The following KIF16B variants were observed in gnomAD, a reference collection of about 807,000 sequenced individuals.
The protein encoded by KIF16B is kinesin-like protein KIF16B.
Under a neutral mutation model 156.3 loss-of-function variants are expected in KIF16B, and 98 were observed. The observed-to-expected ratio is 0.63, with a 90% confidence interval of 0.53 to 0.74. KIF16B has a LOEUF of 0.74. KIF16B is among the 30% of genes least tolerant of loss of function. The probability of loss-of-function intolerance (pLI) is 0.00; values close to 1 mark genes in which losing one functional copy is unlikely to be tolerated. For missense variants in KIF16B, 1,421 were observed against 1,606.5 expected (o/e 0.88, Z 1.97); for synonymous variants, 564 against 583.7 (o/e 0.97, Z 0.49).
intron 12 of KIF16B, among the ~76,000 whole-genome samples, chr20:16,484,671 T>C (rs948128610): frequency 3.9e-5 from 6 of 152,234 alleles, no homozygotes; most frequent in African/African-American, 1.4e-4. Flanking sequence ...GTGATGGTAC[T>C]GGTGGTGGCT....
chr20:16,398,909 C>CGTGTTT (rs2146220967), intron 17 of KIF16B, among the ~76,000 whole-genome samples: 1 of 152,166 alleles, frequency 6.6e-6, no homozygotes, highest in Non-Finnish European at 1.5e-5. Context: ...GGCCAGGAGG[C>CGTGTTT]GTGTTTGTGT....
intron 25 of KIF16B, among the ~76,000 whole-genome samples, chr20:16,304,288 G>A (rs1288415275): frequency 3.9e-5 from 6 of 152,212 alleles, no homozygotes; most frequent in East Asian, 1.9e-4. Flanking sequence ...GGAGACTCTC[G>A]CTCATTGGTG....
chr20:16,365,232 T>C (rs1311935041), intron 22 of KIF16B, among the ~76,000 whole-genome samples: 1 of 152,034 alleles, frequency 6.6e-6, no homozygotes, highest in African/African-American at 2.4e-5. Flanking sequence ...TTTTAAAAAG[T>C]TAAAAAAATA....
At chr20:16,493,960 A>G (rs2068373202) in intron 12 of KIF16B, among the ~76,000 whole-genome samples, 1 of 152,244 alleles carries the variant, frequency 6.6e-6, no homozygotes, top group African/African-American at 2.4e-5. Context: ...TAACAAAAGC[A>G]GAAAAACAAA....
intron 17 of KIF16B, among the ~76,000 whole-genome samples, chr20:16,383,956 C>T (rs977419481): frequency 2.0e-5 from 3 of 152,092 alleles, no homozygotes; most frequent in Non-Finnish European, 4.4e-5. Context: ...GTCGGCATGC[C>T]CTCCGTCACT....
Position 16,273,353 on chromosome 20 carries a change from A to ATGTGGAGGGGAGATGT in KIF16B, c.3838_3853dup (p.Ile1285AsnfsTer20). ...CGAGAGAGTCAGTCCCACTTTGTTG[A>ATGTGGAGGGGAGATGT]TGTGGAGGGGAGATGTTGCGGACTG... On this transcript the variant is annotated frameshift_variant, in exon 26 of 26. Coordinates refer to ENST00000354981, the MANE Select transcript of KIF16B (RefSeq NM_024704.5). LOFTEE classifies it high-confidence loss of function. The ATGTGGAGGGGAGATGT allele has an allele frequency of 3.1e-6, 5 of 1,613,824 alleles. No individual in the cohort carries two copies. Among genetic ancestry groups the ATGTGGAGGGGAGATGT allele is most frequent in the Non-Finnish European group, 4.2e-6 (5 of 1,179,758 alleles).
intron 12 of KIF16B, among the ~76,000 whole-genome samples, chr20:16,473,956 C>T (rs1411614037): frequency 1.3e-5 from 2 of 152,122 alleles, no homozygotes; most frequent in Non-Finnish European, 2.9e-5. Context: ...GGAAATTAAG[C>T]TCTGACATGA....
chr20:16,398,157 T>A (rs1272396659), intron 17 of KIF16B, among the ~76,000 whole-genome samples: 1 of 152,198 alleles, frequency 6.6e-6, no homozygotes, highest in African/African-American at 2.4e-5. Context: ...TACGACTCTA[T>A]GCTCAGCTCA....
In KIF16B at chr20:16,571,248, A is replaced by G. The variant is rs561871675; in HGVS notation, c.47+1981T>C. Among the ~76,000 whole-genome samples, 11 of 152,244 alleles carry G rather than the reference A, an allele frequency of 7.2e-5. No individual in the cohort carries two copies. In the East Asian group the frequency reaches 9.6e-4, roughly 13 times the overall value. On this transcript the variant is annotated intron_variant, in intron 1 of 25. Transcript: ENST00000354981. ...TCCAGTGAGCTGCCAAATCCTGCCA[A>G]TTCTGCCAGTGAGTGGTCTTCCTGT...
At chr20:16,342,900 A>T (rs977567704) in intron 23 of KIF16B, among the ~76,000 whole-genome samples, 2 of 152,352 alleles carry the variant, frequency 1.3e-5, no homozygotes, top group East Asian at 1.9e-4. Flanking sequence ...GAAAGACTCC[A>T]TGCCCAGAGC....
intron 25 of KIF16B, among the ~76,000 whole-genome samples, chr20:16,279,524 G>C (rs915859044): frequency 6.6e-6 from 1 of 152,126 alleles, no homozygotes; most frequent in African/African-American, 2.4e-5. Flanking sequence ...CGCTGGCAGG[G>C]GGCAGACAAG....
chr20:16,504,109 T>C (rs1295449697), intron 10 of KIF16B, among the ~76,000 whole-genome samples: 2 of 152,250 alleles, frequency 1.3e-5, no homozygotes, highest in East Asian at 3.8e-4. Flanking sequence ...TATTGCATAG[T>C]ACATTTCCAT....
At chr20:16,559,433 T>G (rs1433865376) in intron 1 of KIF16B, among the ~76,000 whole-genome samples, 1 of 152,100 alleles carries the variant, frequency 6.6e-6, no homozygotes, top group Non-Finnish European at 1.5e-5. Context: ...AAAAAAAGTC[T>G]TAACTAAGAA....
At chr20:16,477,187 G>GTTTTTTTTTTTTTT (rs1568580585) in intron 12 of KIF16B, among the ~76,000 whole-genome samples, 1 of 100,048 alleles carries the variant, frequency 1.0e-5, no homozygotes. Flanking sequence ...TTTCCTTGTG[G>GTTTTTTTTTTTTTT]GTTTTTTTTT....
At chr20:16,457,736 T>C (rs745316226) in intron 12 of KIF16B, among the ~76,000 whole-genome samples, 13 of 151,992 alleles carry the variant, frequency 8.6e-5, no homozygotes, top group Non-Finnish European at 1.6e-4. Flanking sequence ...TAAAAAATCA[T>C]AGTAAGGCCT....
chr20:16,431,451 C>A (rs2066496974), intron 12 of KIF16B, among the ~76,000 whole-genome samples: 1 of 152,168 alleles, frequency 6.6e-6, no homozygotes. Flanking sequence ...TGCTGCTCTT[C>A]AAACTTGCCA....
chr20:16,545,790 C>T lies in KIF16B; in HGVS notation c.48-17350G>A, dbSNP rs190636369. On this transcript the variant is annotated intron_variant, in intron 1 of 25. Coordinates refer to ENST00000354981, the MANE Select transcript of KIF16B (RefSeq NM_024704.5). ...TGCCCAAAGACATCCTAGTTTAGTG[C>T]TGCAGCACTATGAAACACAAAGAAG... 1.1e-4 allele frequency among the ~76,000 whole-genome samples: 17 copies of T among 152,270 alleles called. No individual in the cohort carries two copies. The East Asian group carries it at 2.9e-3, about 26-fold the overall frequency.
rs191549403 is a variant in KIF16B at position 16,300,837 on chromosome 20, T to G, written c.3795+11498A>C. On this transcript the variant is annotated intron_variant, in intron 25 of 25. Coordinates refer to ENST00000354981, the MANE Select transcript of KIF16B (RefSeq NM_024704.5). ...GGACTGATGAATCTACATTGGGGTA[T>G]CATTATCACCCAAAGTCTATAACTT... is the stretch of plus-strand genomic sequence containing the variant. 1.2e-3 allele frequency among the ~76,000 whole-genome samples: 178 copies of G among 152,266 alleles called. 1 individual carries two copies. The highest frequency in any genetic ancestry group is 2.0e-3 in the Non-Finnish European group (136 of 68,020).
At chr20:16,287,941 C>T (rs186904643) in intron 25 of KIF16B, among the ~76,000 whole-genome samples, 1 of 152,328 alleles carries the variant, frequency 6.6e-6, no homozygotes, top group Admixed American at 6.5e-5. Context: ...TGCCACTCAA[C>T]CTCACTTGGT....
Sources: allele counts gnomAD v4.1 joint callset (sites outside exome capture counted in the v4.1 genomes callset), GRCh38; gene constraint gnomAD v4.1.1; transcripts MANE v1.5; gene names NCBI Gene and HGNC (gene_info 2026-07-23, HGNC 2026-07-21).